The following ATP8B4 variants were observed in gnomAD, a reference collection of about 807,000 sequenced individuals.
ATP8B4 encodes the protein ATPase phospholipid transporting 8B4 (putative), also known as probable phospholipid-transporting ATPase IM.
Under a neutral mutation model 145.6 loss-of-function variants are expected in ATP8B4, and 133 were observed. The ratio of observed to expected loss-of-function variants is 0.91; its 90% confidence interval spans 0.79 to 1.05. The LOEUF (loss-of-function observed/expected upper bound fraction) is 1.05, where lower values mean the gene tolerates loss of function less well. Among genes scored for constraint, ATP8B4 ranks in the 50% least tolerant of loss-of-function variants. The probability of loss-of-function intolerance (pLI) is 0.00; values close to 1 mark genes in which losing one functional copy is unlikely to be tolerated. For synonymous variants in ATP8B4, 507 were observed against 492.9 expected (o/e 1.03, Z -0.38); for missense variants, 1,458 against 1,425.2 (o/e 1.02, Z -0.37).
chr15:50,146,810 C>G (rs749364651), intron 1 of ATP8B4, among the ~76,000 whole-genome samples: 74 of 152,208 alleles, frequency 4.9e-4, no homozygotes, highest in Non-Finnish European at 8.1e-4. Flanking sequence ...AGAGAACTTC[C>G]CACCCACAAG....
intron 10 of ATP8B4, among the ~76,000 whole-genome samples, chr15:49,985,318 A>G (rs572355578): frequency 2.6e-5 from 4 of 152,048 alleles, no homozygotes; most frequent in Admixed American, 1.3e-4. Context: ...GGATGGTCTC[A>G]ATCTCCTGAC....
chr15:50,123,668 T>C (rs1169200447), upstream of ATP8B4, among the ~76,000 whole-genome samples: 3 of 152,282 alleles, frequency 2.0e-5, no homozygotes, highest in African/African-American at 2.4e-5. Context: ...CTGTCTCCCA[T>C]ACAGCTGCCT....
intron 1 of ATP8B4, among the ~76,000 whole-genome samples, chr15:50,147,202 G>A (rs886067533): frequency 6.6e-6 from 1 of 152,066 alleles, no homozygotes; most frequent in Non-Finnish European, 1.5e-5. Context: ...GATCACCTGA[G>A]GTCAGGAGTT....
chr15:50,157,598 C>G (rs1220440762), intron 1 of ATP8B4, among the ~76,000 whole-genome samples: 1 of 152,110 alleles, frequency 6.6e-6, no homozygotes, highest in Non-Finnish European at 1.5e-5. Flanking sequence ...CTCAGGATAG[C>G]TTTTGTGGTT....
intron 1 of ATP8B4, among the ~76,000 whole-genome samples, chr15:50,125,743 C>T (rs2057303139): frequency 6.6e-6 from 1 of 152,164 alleles, no homozygotes; most frequent in African/African-American, 2.4e-5. Flanking sequence ...CTTCATGTTC[C>T]TGGAATTTTA....
chr15:50,076,868 A>G (rs1177435005), intron 2 of ATP8B4, among the ~76,000 whole-genome samples: 1 of 152,178 alleles, frequency 6.6e-6, no homozygotes, highest in Non-Finnish European at 1.5e-5. Flanking sequence ...TAACCTGACT[A>G]TGCTACACCT....
At chr15:49,973,798 GTTTCTACCATCAGATTA>G (rs1338939820) in intron 12 of ATP8B4, among the ~76,000 whole-genome samples, 1 of 152,112 alleles carries the variant, frequency 6.6e-6, no homozygotes, top group African/African-American at 2.4e-5. Flanking sequence ...AGCAACATAA[GTTTCTACCATCAGATTA>G]TTAAGAATTA....
At chr15:49,998,292 C>A (rs2153557389) in intron 8 of ATP8B4, among the ~76,000 whole-genome samples, 1 of 152,266 alleles carries the variant, frequency 6.6e-6, no homozygotes, top group Middle Eastern at 3.4e-3. Context: ...ATTTCTAGTT[C>A]TAGATCCCTG....
chr15:49,988,730 A>G (rs1287834045), intron 9 of ATP8B4, among the ~76,000 whole-genome samples: 2 of 151,994 alleles, frequency 1.3e-5, no homozygotes, highest in Admixed American at 6.6e-5. Context: ...TATTACACTG[A>G]CTCCATCCAC....
intron 16 of ATP8B4, among the ~76,000 whole-genome samples, chr15:49,925,774 A>G (rs1467921967): frequency 6.6e-6 from 1 of 152,144 alleles, no homozygotes; most frequent in African/African-American, 2.4e-5. Flanking sequence ...AATCCTGCTT[A>G]TGTTTACTCA....
chr15:50,111,833 G>C (rs1292044715), intron 1 of ATP8B4, among the ~76,000 whole-genome samples: 2 of 152,176 alleles, frequency 1.3e-5, no homozygotes, highest in African/African-American at 4.8e-5. Context: ...AACAAATGAG[G>C]ACAGCGAGTG....
intron 2 of ATP8B4, among the ~76,000 whole-genome samples, chr15:50,092,686 T>C (rs1010089906): frequency 6.6e-6 from 1 of 151,916 alleles, no homozygotes; most frequent in African/African-American, 2.4e-5. Context: ...AGATGAAAAG[T>C]TTAAAATTTC....
At chr15:50,161,717 G>A (rs2044521700) in intron 1 of ATP8B4, among the ~76,000 whole-genome samples, 1 of 151,726 alleles carries the variant, frequency 6.6e-6, no homozygotes, top group Admixed American at 6.6e-5. Context: ...ATTGTGCTAT[G>A]TTTTGAAATC....
chr15:49,948,388 G>C (rs1024559256), intron 14 of ATP8B4, among the ~76,000 whole-genome samples: 1 of 152,098 alleles, frequency 6.6e-6, no homozygotes, highest in Non-Finnish European at 1.5e-5. Flanking sequence ...GATGGAGGTT[G>C]CAGTGAGCCA....
chr15:49,913,867 T>C (rs2039476696), intron 20 of ATP8B4, among the ~76,000 whole-genome samples: 1 of 151,968 alleles, frequency 6.6e-6, no homozygotes, highest in South Asian at 2.1e-4. Flanking sequence ...GTGAAAGAAA[T>C]TGGAGAGGGC....
chr15:50,126,240 CAA>C (rs3076891), intron 1 of ATP8B4, among the ~76,000 whole-genome samples: 11 of 91,390 alleles, frequency 1.2e-4, no homozygotes, highest in Admixed American at 2.2e-4. Flanking sequence ...GCTAACAGTC[CAA>C]AAAAAAAAAA....
chr15:49,962,784 A>G (rs2044193275), intron 13 of ATP8B4, among the ~76,000 whole-genome samples: 1 of 152,152 alleles, frequency 6.6e-6, no homozygotes, highest in South Asian at 2.1e-4. Context: ...AATTGTTGTG[A>G]ATCTTATTTT....
At chr15:50,156,065 A>T (rs189301907) in intron 1 of ATP8B4, among the ~76,000 whole-genome samples, 24 of 21,316 alleles carry the variant, frequency 1.1e-3, no homozygotes, top group Admixed American at 2.2e-3. Context: ...GTAATAAATA[A>T]ATAAATAAAT....
At chr15:49,866,589 C>A in intron 25 of ATP8B4, 105 bp from the exon 26 acceptor site, 1 of 1,419,958 alleles carries the variant, frequency 7.0e-7, no homozygotes, top group South Asian at 1.3e-5. Context: ...GAAGTTTGCA[C>A]CTGCCTAGTT....
Sources: allele counts gnomAD v4.1 joint callset (sites outside exome capture counted in the v4.1 genomes callset), GRCh38; gene constraint gnomAD v4.1.1; transcripts MANE v1.5; gene names NCBI Gene and HGNC (gene_info 2026-07-23, HGNC 2026-07-21).